USP48: variants seen among roughly 807,000 people sequenced by gnomAD.
The protein encoded by USP48 is ubiquitin carboxyl-terminal hydrolase 48.
In USP48, 43 loss-of-function variants were observed where a neutral mutation model predicts 150.7. The observed-to-expected ratio is 0.29, with a 90% CI of 0.22 to 0.37. The LOEUF (loss-of-function observed/expected upper bound fraction) is 0.37. USP48 is among the 10% of genes least tolerant of loss of function. USP48 has a pLI of 1.00. For missense variants in USP48, 813 were observed against 1,249.6 expected (o/e 0.65, Z 5.27); for synonymous variants, 396 against 425.9 (o/e 0.93, Z 0.86).
At chr1:21,711,309 A>G (rs1026773194) in intron 15 of USP48, among the ~76,000 whole-genome samples, 17 of 152,276 alleles carry the variant, frequency 1.1e-4, no homozygotes, top group South Asian at 4.1e-4. Context: ...AGGGATTTAC[A>G]AAAAATGAGA....
chr1:21,774,051 C>T (rs1014154486), intron 1 of USP48, among the ~76,000 whole-genome samples: 20 of 151,948 alleles, frequency 1.3e-4, no homozygotes, highest in African/African-American at 4.6e-4. Flanking sequence ...TGGTGGCATG[C>T]GCCTGTAATC....
At chr1:21,691,284 A>C (rs2097599201) in intron 23 of USP48, among the ~76,000 whole-genome samples, 1 of 148,386 alleles carries the variant, frequency 6.7e-6, no homozygotes, top group African/African-American at 2.5e-5. Context: ...ATTGCACTCC[A>C]GCCTATACAA....
At chr1:21,743,536 A>G (rs2097786814) in intron 8 of USP48, among the ~76,000 whole-genome samples, 2 of 152,168 alleles carry the variant, frequency 1.3e-5, no homozygotes. Context: ...GTGGCTGGCA[A>G]TATCCCAGGA....
intron 1 of USP48, among the ~76,000 whole-genome samples, chr1:21,766,026 G>T (rs2097861437): frequency 6.6e-6 from 1 of 151,474 alleles, no homozygotes; most frequent in Non-Finnish European, 1.5e-5. Context: ...GATGCAACAG[G>T]CAAGAAAGGA....
At chr1:21,778,500 T>A (rs2097905840) in intron 1 of USP48, among the ~76,000 whole-genome samples, 1 of 150,760 alleles carries the variant, frequency 6.6e-6, no homozygotes, top group Admixed American at 6.7e-5. Flanking sequence ...GACATGGTGG[T>A]TCGTGCCTAC....
At position 21,736,554 on chromosome 1, in the gene USP48, T is replaced by C. The variant is rs373345846; in HGVS notation, c.1063A>G (p.Ile355Val). ...GACTGTGGATCTTTCACGTGGGCGA[T>C]GTAGTGGCCAGAATAAGCACTCACT... The part of the protein sequence containing the change: ...RGVSAYSGHY[I>V]AHVKDPQSGE... The change falls in exon 9 of 27, where the codon ATC (isoleucine) becomes GTC (valine). Residue 355 changes from isoleucine to valine, a missense_variant. Ile to Val is a conservative substitution (Grantham distance 29). Transcript: ENST00000308271. 38 of 1,594,918 alleles carry C rather than the reference T, an allele frequency of 2.4e-5. No individual in the cohort carries two copies. Among genetic ancestry groups the C allele is most frequent in the African/African-American group, 4.1e-5 (3 of 73,788 alleles).
chr1:21,733,035 A>C (rs1214827671), intron 9 of USP48, among the ~76,000 whole-genome samples: 1 of 152,198 alleles, frequency 6.6e-6, no homozygotes, highest in Non-Finnish European at 1.5e-5. Context: ...TGAACAAAAA[A>C]GGTTGGAAGA....
At chr1:21,705,669 A>C in intron 19 of USP48, 58 bp downstream of exon 19, 1 of 1,249,608 alleles carries the variant, frequency 8.0e-7, no homozygotes, top group Non-Finnish European at 1.1e-6. Context: ...AACATATTTT[A>C]TTAATCATCA....
At chr1:21,709,776 T>C (rs1403122197) in intron 15 of USP48, among the ~76,000 whole-genome samples, 1 of 152,102 alleles carries the variant, frequency 6.6e-6, no homozygotes, top group Non-Finnish European at 1.5e-5. Context: ...GGGATGAGTG[T>C]TTTTCATATG....
At chr1:21,693,512 G>A (rs1276168859) in intron 23 of USP48, among the ~76,000 whole-genome samples, 2 of 152,180 alleles carry the variant, frequency 1.3e-5, no homozygotes, top group Non-Finnish European at 2.9e-5. Flanking sequence ...ACCTCTGGGG[G>A]CTGTGTGAAC....
chr1:21,737,739 A>C, intron 8 of USP48, among the ~76,000 whole-genome samples: 1 of 152,200 alleles, frequency 6.6e-6, no homozygotes, highest in Non-Finnish European at 1.5e-5. Context: ...TCACATCATT[A>C]TTCTTCTAAA....
At chr1:21,746,758 T>C (rs1318610960) in intron 8 of USP48, among the ~76,000 whole-genome samples, 1 of 152,204 alleles carries the variant, frequency 6.6e-6, no homozygotes, top group Non-Finnish European at 1.5e-5. Flanking sequence ...AATAATAGTA[T>C]TGAAACTAAG....
intron 9 of USP48, among the ~76,000 whole-genome samples, chr1:21,731,275 CTTTT>C (rs1557518370): frequency 6.6e-6 from 1 of 151,838 alleles, no homozygotes; most frequent in South Asian, 2.1e-4. Flanking sequence ...ATTTTCTTTT[CTTTT>C]TTTGAGACAG....
At chr1:21,745,591 A>G (rs1557553710) in intron 8 of USP48, among the ~76,000 whole-genome samples, 2 of 152,190 alleles carry the variant, frequency 1.3e-5, no homozygotes. Context: ...AAAAAATACT[A>G]TATTTAGTAA....
At chr1:21,763,763 C>T (rs7548795) in intron 1 of USP48, among the ~76,000 whole-genome samples, 110,048 of 151,650 alleles carry the variant, frequency 0.73, 40,530 homozygotes, top group Admixed American at 0.81. Flanking sequence ...TGCGGTGAGC[C>T]GAGATCATGC....
At chr1:21,720,813 G>C (rs1283903024) in intron 14 of USP48, among the ~76,000 whole-genome samples, 2 of 152,034 alleles carry the variant, frequency 1.3e-5, no homozygotes, top group African/African-American at 4.8e-5. Context: ...TTATAGGCAT[G>C]AACCACCGCA....
chr1:21,781,304 T>C (rs999864545), intron 1 of USP48, among the ~76,000 whole-genome samples: 15 of 151,984 alleles, frequency 9.9e-5, no homozygotes, highest in African/African-American at 2.9e-4. Flanking sequence ...CCGGGCATGA[T>C]GGTGCATGCC....
chr1:21,758,620 C>T (rs1167875961), intron 1 of USP48, among the ~76,000 whole-genome samples: 1 of 151,796 alleles, frequency 6.6e-6, no homozygotes, highest in Non-Finnish European at 1.5e-5. Context: ...CGTGGCGGTG[C>T]GGGCCTGTAA....
chr1:21,689,869 T>G (rs895577887), intron 24 of USP48, 105 bp downstream of exon 24: 1 of 1,473,060 alleles, frequency 6.8e-7, no homozygotes, highest in African/African-American at 1.4e-5. Context: ...CACTACCCTC[T>G]GCTAAAGACC....
Sources: gnomAD v4.1 joint callset for allele counts (sites outside exome capture counted in the v4.1 genomes callset) on GRCh38, gnomAD v4.1.1 for gene constraint, MANE v1.5 for transcripts, NCBI Gene and HGNC (gene_info 2026-07-23, HGNC 2026-07-21) for gene names.